DPP10: variants seen among roughly 807,000 people sequenced by gnomAD.
The protein encoded by DPP10 is inactive dipeptidyl peptidase 10.
A neutral mutation model predicts 120.9 loss-of-function variants in DPP10; 33 were observed. The ratio of observed to expected loss-of-function variants is 0.27; its 90% CI spans 0.21 to 0.37. The LOEUF (loss-of-function observed/expected upper bound fraction) is 0.37. DPP10 is among the 10% of genes least tolerant of loss of function. The pLI, the probability that DPP10 is intolerant of heterozygous loss-of-function variation, is 1.00. For synonymous variants in DPP10, 337 were observed against 326.1 expected (o/e 1.03, Z -0.36); for missense variants, 816 against 942.8 (o/e 0.87, Z 1.76).
intron 1 of DPP10, among the ~76,000 whole-genome samples, chr2:114,620,137 T>C (rs560937524): frequency 4.6e-5 from 7 of 152,120 alleles, no homozygotes; most frequent in African/African-American, 1.7e-4. Context: ...GCAGAAATTA[T>C]GTGTTGTTAA....
chr2:115,571,269 C>G (rs1332481698), intron 5 of DPP10, among the ~76,000 whole-genome samples: 1 of 152,008 alleles, frequency 6.6e-6, no homozygotes, highest in Admixed American at 6.6e-5. Flanking sequence ...AGTACCTGTG[C>G]AGGTTTGTTA....
chr2:115,797,528 A>T (rs1222887603), intron 19 of DPP10, among the ~76,000 whole-genome samples: 1 of 152,048 alleles, frequency 6.6e-6, no homozygotes, highest in Non-Finnish European at 1.5e-5. Context: ...AAGAGGGATT[A>T]TTATTGCTTT....
intron 5 of DPP10, among the ~76,000 whole-genome samples, chr2:115,543,478 A>G (rs965037235): frequency 6.6e-6 from 1 of 152,056 alleles, no homozygotes; most frequent in African/African-American, 2.4e-5. Flanking sequence ...TTGCAGGTAA[A>G]CACACAGCCA....
chr2:115,051,250 C>A (rs1705457876), intron 1 of DPP10, among the ~76,000 whole-genome samples: 4 of 151,658 alleles, frequency 2.6e-5, no homozygotes, highest in Admixed American at 2.6e-4. Context: ...AAAATCTTGC[C>A]CAAGGAACTG....
At chr2:115,357,963 A>G (rs1305893141) in intron 3 of DPP10, among the ~76,000 whole-genome samples, 1 of 152,026 alleles carries the variant, frequency 6.6e-6, no homozygotes, top group East Asian at 1.9e-4. Flanking sequence ...TACCGAGGCT[A>G]TACACAGCAG....
At chr2:115,107,422 CTTTTTTTTTTTT>C (rs59046305) in intron 1 of DPP10, among the ~76,000 whole-genome samples, 3 of 59,852 alleles carry the variant, frequency 5.0e-5, no homozygotes, top group African/African-American at 1.3e-4. Flanking sequence ...TTGGTTATAG[CTTTTTTTTTTTT>C]TTTTTTTTTT....
intron 1 of DPP10, among the ~76,000 whole-genome samples, chr2:114,678,459 C>A (rs901451331): frequency 4.6e-5 from 7 of 151,986 alleles, no homozygotes; most frequent in African/African-American, 1.7e-4. Context: ...TCCTGCCTTC[C>A]CTTGCCTTAC....
chr2:115,281,276 C>G (rs1265511811), intron 1 of DPP10, among the ~76,000 whole-genome samples: 3 of 152,104 alleles, frequency 2.0e-5, no homozygotes, highest in African/African-American at 7.2e-5. Context: ...AAAAGTAAGC[C>G]TCTGTGCTTG....
intron 4 of DPP10, among the ~76,000 whole-genome samples, chr2:115,517,419 G>A (rs542936881): frequency 2.6e-4 from 40 of 152,166 alleles, no homozygotes; most frequent in Admixed American, 7.2e-4. Flanking sequence ...CCTATATGAT[G>A]TATAATTTAA....
At chr2:114,999,469 C>T (rs890058358) in intron 1 of DPP10, among the ~76,000 whole-genome samples, 5 of 152,144 alleles carry the variant, frequency 3.3e-5, no homozygotes, top group Admixed American at 6.5e-5. Context: ...TTTCCTTTTG[C>T]CTGTTGTATA....
intron 1 of DPP10, among the ~76,000 whole-genome samples, chr2:115,006,282 A>G (rs919962947): frequency 2.2e-4 from 33 of 152,296 alleles, no homozygotes; most frequent in Middle Eastern, 3.4e-3. Context: ...TGTAAAGACC[A>G]TCGAGACTAG....
intron 3 of DPP10, among the ~76,000 whole-genome samples, chr2:115,496,649 T>C (rs2076410062): frequency 6.6e-6 from 1 of 152,156 alleles, no homozygotes; most frequent in African/African-American, 2.4e-5. Context: ...AATTGCTCTA[T>C]GGCTTTTCTT....
At chr2:115,281,875 A>G (rs999427575) in intron 1 of DPP10, among the ~76,000 whole-genome samples, 2 of 152,130 alleles carry the variant, frequency 1.3e-5, no homozygotes, top group Non-Finnish European at 2.9e-5. Flanking sequence ...ATATTTAAAA[A>G]TACTGAGAAA....
chr2:115,250,263 A>G (rs2058699003), intron 1 of DPP10, among the ~76,000 whole-genome samples: 2 of 152,222 alleles, frequency 1.3e-5, no homozygotes, highest in Admixed American at 1.3e-4. Context: ...GCAGTAAGAC[A>G]GACTCATTAC....
chr2:114,446,427 T>C (rs1211674208), intron 1 of DPP10, among the ~76,000 whole-genome samples: 1 of 152,330 alleles, frequency 6.6e-6, no homozygotes, highest in East Asian at 1.9e-4. Context: ...GATTCCTGGA[T>C]CAAGAATTAT....
intron 1 of DPP10, among the ~76,000 whole-genome samples, chr2:114,859,268 G>T (rs1015773085): frequency 4.6e-5 from 7 of 151,906 alleles, no homozygotes; most frequent in Admixed American, 2.0e-4. Flanking sequence ...TTGGGAGGCG[G>T]GAGGCAGGAG....
At chr2:115,474,712 C>A (rs1005892408) in intron 3 of DPP10, among the ~76,000 whole-genome samples, 13 of 135,328 alleles carry the variant, frequency 9.6e-5, no homozygotes, top group Admixed American at 4.0e-4. Flanking sequence ...ACAATCTGCA[C>A]CCTGACCATG....
intron 5 of DPP10, among the ~76,000 whole-genome samples, chr2:115,617,012 T>G (rs1359934252): frequency 6.6e-6 from 1 of 151,422 alleles, no homozygotes; most frequent in Non-Finnish European, 1.5e-5. Context: ...CTCCTCCCTC[T>G]TTTTTACATG....
chr2:115,024,803 A>G (rs1390092659), intron 1 of DPP10, among the ~76,000 whole-genome samples: 1 of 147,622 alleles, frequency 6.8e-6, no homozygotes, highest in Non-Finnish European at 1.5e-5. Flanking sequence ...GTGTGTATAC[A>G]TATATATGTT....
Sources: allele counts gnomAD v4.1 joint callset (sites outside exome capture counted in the v4.1 genomes callset), GRCh38; gene constraint gnomAD v4.1.1; transcripts MANE v1.5; gene names NCBI Gene and HGNC (gene_info 2026-07-23, HGNC 2026-07-21).